Variants in KANSL1L observed in about 807,000 individuals in gnomAD.
KANSL1L encodes the protein KAT8 regulatory NSL complex subunit 1-like protein.
In KANSL1L, 25 loss-of-function variants were observed where a neutral mutation model predicts 108.6. The observed-to-expected ratio is 0.23, with a 90% confidence interval of 0.17 to 0.32. The LOEUF is 0.32. Among genes scored for constraint, KANSL1L ranks in the 10% least tolerant of loss-of-function variants. KANSL1L has a pLI of 1.00. For synonymous variants in KANSL1L, 405 were observed against 395.1 expected (o/e 1.03, Z -0.30); for missense variants, 1,137 against 1,125.7 (o/e 1.01, Z -0.14).
chr2:210,142,879 C>T (rs886560594), intron 2 of KANSL1L, among the ~76,000 whole-genome samples: 1 of 152,010 alleles, frequency 6.6e-6, no homozygotes, highest in African/African-American at 2.4e-5. Context: ...ATGATCAATC[C>T]TGAAGAATGT....
At chr2:210,107,510 CA>C (rs142353453) in intron 3 of KANSL1L, among the ~76,000 whole-genome samples, 4 of 122,940 alleles carry the variant, frequency 3.3e-5, no homozygotes, top group African/African-American at 1.1e-4. Context: ...TTCTTCTCCT[CA>C]AAAAAAAAAT....
rs780884182 is a variant in KANSL1L at position 210,075,565 on chromosome 2, T to C, written c.1742A>G (p.Tyr581Cys). 2 of 1,613,246 alleles carry C rather than the reference T, an allele frequency of 1.2e-6. No homozygotes were observed. Among genetic ancestry groups the C allele is most frequent in the African/African-American group, 2.7e-5 (2 of 74,902 alleles). ...RKLYRLSPTF[Y>C]WTPQTLPSKE... ...AGGCAGCCTTACCTGTGGAGTCCAA[T>C]AAAAAGTAGGGCTCAATCTGTACAG... is the stretch of plus-strand genomic sequence containing the variant. Residue 581 changes from tyrosine to cysteine, a missense_variant, in exon 6 of 15, where the codon TAT becomes TGT. Transcript: ENST00000281772.
chr2:210,110,692 T>C lies in KANSL1L; in HGVS notation c.1231-6391A>G, dbSNP rs918161962. On this transcript the variant is annotated intron_variant, in intron 3 of 14. Transcript: ENST00000281772. ...AAAAATTTGTTTGAACCTCTCAATC[T>C]ATGAGAATTTCACAAAAATGGAAGA... Among the ~76,000 whole-genome samples the C allele has an allele frequency of 3.3e-5, 5 of 152,184 alleles. No homozygotes were observed. In the East Asian group the frequency reaches 5.8e-4, roughly 18 times the overall value.
intron 9 of KANSL1L, 79 bp downstream of exon 9, chr2:210,031,342 C>A (rs975175450): frequency 1.0e-6 from 1 of 963,910 alleles, no homozygotes; most frequent in Non-Finnish European, 1.6e-6. Context: ...TTATAAACTC[C>A]CATGAGAGGT....
Position 210,028,854 on chromosome 2 carries a change from A to G in KANSL1L, c.2387T>C (p.Leu796Pro), listed in dbSNP as rs762286845. ...ATGTAAGTATACATACCTTGGAGTA[A>G]GTATTTCCTTATATTGGAGTTTCTC... ...KLEKLQYKEILTPSWRMVVLQ... is the reference protein window; with the variant it reads ...KLEKLQYKEIPTPSWRMVVLQ... Residue 796 changes from leucine to proline, a missense_variant, in exon 11 of 15, where the codon CTT becomes CCT. By Grantham distance (98) the Leu-to-Pro change is moderately conservative. This residue lies in a region of KANSL1L where 575 missense variants were observed against 567.1 expected (regional missense o/e 1.01). Coordinates refer to ENST00000281772, the MANE Select transcript of KANSL1L (RefSeq NM_152519.4). The G allele has an allele frequency of 6.3e-7, 1 of 1,583,618 alleles. No homozygotes were observed. Among genetic ancestry groups the G allele is most frequent in the Non-Finnish European group, 8.6e-7 (1 of 1,156,500 alleles).
chr2:210,162,557 G>A (rs2095367702), intron 1 of KANSL1L, among the ~76,000 whole-genome samples: 1 of 152,040 alleles, frequency 6.6e-6, no homozygotes, highest in Non-Finnish European at 1.5e-5. Flanking sequence ...CATAATTAGA[G>A]AGATTATTTT....
chr2:210,083,645 G>A (rs1321047140), intron 5 of KANSL1L, among the ~76,000 whole-genome samples: 9 of 151,790 alleles, frequency 5.9e-5, no homozygotes, highest in African/African-American at 1.9e-4. Context: ...TGGCTAACAC[G>A]GTGAAACCCC....
intron 3 of KANSL1L, among the ~76,000 whole-genome samples, chr2:210,124,601 G>A (rs1211371075): frequency 6.6e-6 from 1 of 151,478 alleles, no homozygotes; most frequent in Admixed American, 6.6e-5. Flanking sequence ...ACTAGAAAAA[G>A]AAGAACAATT....
At chr2:210,034,130 C>G (rs2094066333) in intron 8 of KANSL1L, among the ~76,000 whole-genome samples, 1 of 152,288 alleles carries the variant, frequency 6.6e-6, no homozygotes, top group East Asian at 1.9e-4. Flanking sequence ...TTACAGAGAA[C>G]CAATTACATG....
At chr2:210,055,106 G>A (rs1188956824) in intron 6 of KANSL1L, among the ~76,000 whole-genome samples, 1 of 152,162 alleles carries the variant, frequency 6.6e-6, no homozygotes, top group Admixed American at 6.5e-5. Context: ...GAATCATAGG[G>A]GTAGTTACCC....
intron 3 of KANSL1L, among the ~76,000 whole-genome samples, chr2:210,110,665 T>C (rs925505160): frequency 6.6e-6 from 1 of 152,042 alleles, no homozygotes; most frequent in Admixed American, 6.6e-5. Context: ...TTAAGAGACA[T>C]GAAAAATTTG....
chr2:210,144,480 C>T (rs2095252123), intron 2 of KANSL1L, among the ~76,000 whole-genome samples: 1 of 152,190 alleles, frequency 6.6e-6, no homozygotes, highest in African/African-American at 2.4e-5. Flanking sequence ...ATAAATCACA[C>T]AGGCTTTCTT....
chr2:210,122,968 A>C (rs1191449969), intron 3 of KANSL1L, among the ~76,000 whole-genome samples: 3 of 152,222 alleles, frequency 2.0e-5, no homozygotes, highest in African/African-American at 7.2e-5. Context: ...TCATCAGAGA[A>C]ATGCAAATCA....
intron 1 of KANSL1L, among the ~76,000 whole-genome samples, chr2:210,162,392 C>T (rs2095366853): frequency 6.6e-6 from 1 of 151,390 alleles, no homozygotes; most frequent in Non-Finnish European, 1.5e-5. Flanking sequence ...GTCAGTGGTG[C>T]TATTTTCTGA....
Position 210,044,368 on chromosome 2 carries a change from T to C in KANSL1L, c.1756-264A>G, listed in dbSNP as rs963937352. 1.3e-5 allele frequency among the ~76,000 whole-genome samples: 2 copies of C among 152,070 alleles called. No homozygotes were observed. Among genetic ancestry groups the C allele is most frequent in the African/African-American group, 4.8e-5 (2 of 41,426 alleles). On this transcript the variant is annotated intron_variant, in intron 6 of 14. Transcript: ENST00000281772. The surrounding 1 kb of genome is among the most constrained non-coding windows in gnomAD (Gnocchi z 4.2). ...TTTTCTAATAATATATAGCTTCTTC[T>C]AGTCTTTGATTATCTAAACATACTA... is the stretch of plus-strand genomic sequence containing the variant.
At chr2:210,165,055 T>A (rs1687853227) in intron 1 of KANSL1L, among the ~76,000 whole-genome samples, 1 of 151,572 alleles carries the variant, frequency 6.6e-6, no homozygotes, top group South Asian at 2.1e-4. Context: ...TTAGTAGAGA[T>A]GGGGTTTCAC....
At chr2:210,076,203 A>G (rs1335398342) in intron 5 of KANSL1L, among the ~76,000 whole-genome samples, 1 of 151,922 alleles carries the variant, frequency 6.6e-6, no homozygotes, top group Admixed American at 6.6e-5. Context: ...TTTTTTTGAG[A>G]TGGAGTCTCA....
intron 2 of KANSL1L, among the ~76,000 whole-genome samples, chr2:210,145,977 C>G (rs2095262894): frequency 6.6e-6 from 1 of 151,956 alleles, no homozygotes; most frequent in Non-Finnish European, 1.5e-5. Flanking sequence ...CCTGGAAAGG[C>G]AGCTCCTTCT....
intron 8 of KANSL1L, chr2:210,040,174 C>G: frequency 2.6e-6 from 1 of 377,536 alleles, no homozygotes; most frequent in South Asian, 1.1e-4. Flanking sequence ...TGTTTCTCCA[C>G]ATTTATTTAA....
Sources: allele counts gnomAD v4.1 joint callset (sites outside exome capture counted in the v4.1 genomes callset), GRCh38; gene constraint gnomAD v4.1.1; regional missense constraint gnomAD v4.1.1; non-coding constraint Gnocchi (gnomAD v3.1); transcripts MANE v1.5; gene names NCBI Gene and HGNC (gene_info 2026-07-23, HGNC 2026-07-21).